RIN2: variants seen among roughly 807,000 people sequenced by gnomAD.
RIN2 encodes the protein RAB5 interacting protein 2.
In RIN2, 36 loss-of-function variants were observed where a neutral mutation model predicts 78.0. The observed-to-expected ratio is 0.46, with a 90% confidence interval of 0.35 to 0.61. The LOEUF is 0.61. Ranked by LOEUF, RIN2 falls within the 20% of genes least tolerant of loss-of-function variation. RIN2 has a pLI of 0.00. For missense variants in RIN2, 1,087 were observed against 1,159.7 expected, an observed-to-expected ratio of 0.94 and a Z score of 0.91; for synonymous variants, 466 against 466.8, an observed-to-expected ratio of 1.00 and a Z score of 0.02.
intron 2 of RIN2, among the ~76,000 whole-genome samples, chr20:19,847,145 C>T (rs1270198863): frequency 1.3e-5 from 2 of 152,216 alleles, no homozygotes; most frequent in East Asian, 3.8e-4. Flanking sequence ...AATGGCACAG[C>T]TGAGTTGCTG....
At chr20:19,940,185 G>T (rs1201092620) in intron 4 of RIN2, among the ~76,000 whole-genome samples, 1 of 152,136 alleles carries the variant, frequency 6.6e-6, no homozygotes, top group Non-Finnish European at 1.5e-5. Context: ...ACCACTAGAA[G>T]GTAAGCTCTG....
At chr20:19,899,099 C>A (rs1462945046) in intron 3 of RIN2, among the ~76,000 whole-genome samples, 2 of 152,164 alleles carry the variant, frequency 1.3e-5, no homozygotes, top group African/African-American at 4.8e-5. Flanking sequence ...TTATTCCCAG[C>A]CACTTCTATT....
intron 3 of RIN2, among the ~76,000 whole-genome samples, chr20:19,893,898 C>A (rs2038599318): frequency 6.6e-6 from 1 of 152,048 alleles, no homozygotes; most frequent in African/African-American, 2.4e-5. Flanking sequence ...CATGGTGAAA[C>A]CTGTCTCCAC....
chr20:19,948,576 G>A (rs372135647), intron 4 of RIN2, among the ~76,000 whole-genome samples: 1 of 151,934 alleles, frequency 6.6e-6, no homozygotes, highest in Non-Finnish European at 1.5e-5. Flanking sequence ...TGTACTTTTA[G>A]TAAAGACAGG....
chr20:19,796,520 G>A (rs747626714), intron 1 of RIN2, among the ~76,000 whole-genome samples: 6 of 152,074 alleles, frequency 3.9e-5, no homozygotes, highest in Non-Finnish European at 8.8e-5. Flanking sequence ...TCTACAAAAT[G>A]TTTGTTTCTG....
chr20:19,921,849 G>A (rs973122377), intron 3 of RIN2, among the ~76,000 whole-genome samples: 1 of 150,506 alleles, frequency 6.6e-6, no homozygotes, highest in African/African-American at 2.5e-5. Flanking sequence ...GGATCTGTCG[G>A]TTGTTTGTTT....
chr20:19,884,306 T>C (rs552321183), intron 2 of RIN2, among the ~76,000 whole-genome samples: 1 of 152,122 alleles, frequency 6.6e-6, no homozygotes, highest in African/African-American at 2.4e-5. Flanking sequence ...ACACTGGTAG[T>C]CTCAGCTATT....
At chr20:19,901,310 C>A (rs1307980046) in intron 3 of RIN2, among the ~76,000 whole-genome samples, 1 of 146,090 alleles carries the variant, frequency 6.8e-6, no homozygotes, top group African/African-American at 2.5e-5. Context: ...TTTCCCCCAC[C>A]CCCGTCCCCA....
chr20:19,932,416 AG>A (rs959075766), intron 3 of RIN2, among the ~76,000 whole-genome samples: 3 of 152,202 alleles, frequency 2.0e-5, no homozygotes, highest in Non-Finnish European at 2.9e-5. Context: ...GAGAAAGACA[AG>A]GGGGATCCTG....
At chr20:19,848,212 T>C (rs1231172493) in intron 2 of RIN2, among the ~76,000 whole-genome samples, 1 of 152,102 alleles carries the variant, frequency 6.6e-6, no homozygotes, top group African/African-American at 2.4e-5. Context: ...ATGTACACAT[T>C]ATACTTCAAT....
At chr20:19,825,459 C>T (rs13036396) in intron 2 of RIN2, among the ~76,000 whole-genome samples, 2 of 152,196 alleles carry the variant, frequency 1.3e-5, no homozygotes, top group Admixed American at 1.3e-4. Context: ...CTACTCCTCT[C>T]CCCTTCCCAG....
intron 2 of RIN2, among the ~76,000 whole-genome samples, chr20:19,856,414 T>C (rs1055993977): frequency 6.6e-6 from 1 of 151,966 alleles, no homozygotes; most frequent in African/African-American, 2.4e-5. Context: ...TTGCCTGTAG[T>C]CCCAGCTACT....
At chr20:19,815,756 TC>T (rs1395497688) in intron 2 of RIN2, among the ~76,000 whole-genome samples, 1 of 152,146 alleles carries the variant, frequency 6.6e-6, no homozygotes, top group Admixed American at 6.5e-5. Context: ...CACCACAGAG[TC>T]CTGTGGGAAA....
In RIN2 at chr20:19,866,871, C is replaced by T. The variant is rs183034639; in HGVS notation, c.-36-22695C>T. On this transcript the variant is annotated intron_variant, in intron 2 of 12. Coordinates refer to ENST00000255006, the MANE Select transcript of RIN2 (RefSeq NM_018993.4). ...ATCTCCTGACCTCAAGCGATTCTCC[C>T]GCCTTGGCCTCCCAAAGTGCTGGGA... Among the ~76,000 whole-genome samples the T allele has an allele frequency of 6.6e-5, 10 of 152,084 alleles. No individual in the cohort carries two copies. In the East Asian group the frequency reaches 7.7e-4, roughly 12 times the overall value.
intron 2 of RIN2, among the ~76,000 whole-genome samples, chr20:19,887,860 C>T (rs1472192611): frequency 6.6e-6 from 1 of 152,106 alleles, no homozygotes; most frequent in Non-Finnish European, 1.5e-5. Context: ...AGACATTAGG[C>T]CTGGTTTAAA....
intron 4 of RIN2, 44 bp downstream of exon 4, chr20:19,935,243 G>A (rs763935008): frequency 3.2e-5 from 48 of 1,502,516 alleles, no homozygotes; most frequent in Non-Finnish European, 3.7e-5. Context: ...GAAAGGGATC[G>A]AGTGAACCCT....
At chr20:19,999,702 A>G (rs2043082437) in intron 12 of RIN2, among the ~76,000 whole-genome samples, 1 of 152,184 alleles carries the variant, frequency 6.6e-6, no homozygotes, top group Non-Finnish European at 1.5e-5. Flanking sequence ...TGGGCTTTGT[A>G]TCTTGTAAGG....
chr20:19,927,792 C>T (rs1344653374), intron 3 of RIN2, among the ~76,000 whole-genome samples: 4 of 152,156 alleles, frequency 2.6e-5, no homozygotes, highest in East Asian at 1.9e-4. Context: ...TCAAGTGATC[C>T]TCCTGCCTCA....
intron 1 of RIN2, among the ~76,000 whole-genome samples, chr20:19,784,846 T>C (rs2034621624): frequency 6.6e-6 from 1 of 151,650 alleles, no homozygotes; most frequent in African/African-American, 2.4e-5. Flanking sequence ...TACCAGACAG[T>C]GTGAGACTGG....
Sources: allele counts gnomAD v4.1 joint callset (sites outside exome capture counted in the v4.1 genomes callset), GRCh38; gene constraint gnomAD v4.1.1; transcripts MANE v1.5; gene names NCBI Gene and HGNC (gene_info 2026-07-23, HGNC 2026-07-21).